The following RYR2 variants were observed in gnomAD, a reference collection of about 807,000 sequenced individuals.
The protein encoded by RYR2 is cardiac muscle ryanodine receptor-calcium release channel.
A neutral mutation model predicts 601.1 loss-of-function variants in RYR2; 227 were observed. The observed-to-expected ratio is 0.38, with a 90% CI of 0.34 to 0.42. RYR2 has a LOEUF of 0.42. Among genes scored for constraint, RYR2 ranks in the 10% least tolerant of loss-of-function variants. The pLI, the probability that RYR2 is intolerant of heterozygous loss-of-function variation, is 1.00. For missense variants in RYR2, 4,646 were observed against 6,156.5 expected (o/e 0.75, Z 8.21); for synonymous variants, 2,223 against 2,175.1 (o/e 1.02, Z -0.61).
chr1:237,677,264 A>G (rs1335679827), intron 60 of RYR2, among the ~76,000 whole-genome samples: 2 of 152,132 alleles, frequency 1.3e-5, no homozygotes, highest in Non-Finnish European at 2.9e-5. Context: ...GCTCTCCAAT[A>G]TGTTCTGCAT....
At chr1:237,137,185 T>C (rs1261691101) in intron 1 of RYR2, among the ~76,000 whole-genome samples, 1 of 152,190 alleles carries the variant, frequency 6.6e-6, no homozygotes, top group Non-Finnish European at 1.5e-5. Flanking sequence ...GTCCTCATTG[T>C]GACCATGAAT....
At chr1:237,801,262 G>T (rs1253680211) in intron 97 of RYR2, among the ~76,000 whole-genome samples, 1 of 151,212 alleles carries the variant, frequency 6.6e-6, no homozygotes, top group Non-Finnish European at 1.5e-5. Context: ...TGGGCACAAT[G>T]GTGCATGCAT....
intron 71 of RYR2, among the ~76,000 whole-genome samples, chr1:237,714,651 TAGAG>T (rs951286223): frequency 3.3e-5 from 5 of 151,864 alleles, no homozygotes; most frequent in African/African-American, 1.2e-4. Flanking sequence ...GAGACAGAGA[TAGAG>T]AGGAGGCAGA....
intron 67 of RYR2, among the ~76,000 whole-genome samples, chr1:237,706,225 G>A (rs776004126): frequency 7.9e-5 from 12 of 152,072 alleles, no homozygotes; most frequent in Non-Finnish European, 1.6e-4. Flanking sequence ...CTCCAGCCTG[G>A]CAACAGAGCA....
chr1:237,154,611 G>A (rs1675103323), intron 1 of RYR2, among the ~76,000 whole-genome samples: 2 of 152,024 alleles, frequency 1.3e-5, no homozygotes, highest in South Asian at 4.2e-4. Context: ...ATAGGGGTTT[G>A]AGACCAGTCT....
chr1:237,195,988 G>A (rs897143624), intron 1 of RYR2, among the ~76,000 whole-genome samples: 1 of 152,262 alleles, frequency 6.6e-6, no homozygotes, highest in South Asian at 2.1e-4. Context: ...TGTCTTGTCC[G>A]GCATGTTGTA....
chr1:237,346,207 A>C (rs1054839667), intron 3 of RYR2, among the ~76,000 whole-genome samples: 1 of 151,992 alleles, frequency 6.6e-6, no homozygotes, highest in African/African-American at 2.4e-5. Flanking sequence ...CTCTACAAAA[A>C]AATAAAATAA....
intron 51 of RYR2, among the ~76,000 whole-genome samples, chr1:237,651,855 G>C (rs1366289024): frequency 2.0e-5 from 3 of 152,128 alleles, no homozygotes; most frequent in Non-Finnish European, 2.9e-5. Context: ...AGCTAACACG[G>C]TGAAACCCCG....
Position 237,197,155 on chromosome 1 carries a change from C to T in RYR2, c.49-73342C>T, listed in dbSNP as rs528379365. On this transcript the variant is annotated intron_variant, in intron 1 of 104. Transcript: ENST00000366574. ...CTGAATTGTCATTCAGATAATTTAC[C>T]GAAAGATTCCATAGCCAATCATATT... Among the ~76,000 whole-genome samples the T allele has an allele frequency of 2.6e-5, 4 of 152,096 alleles. No homozygotes were observed. The East Asian group carries it at 5.8e-4, about 22-fold the overall frequency.
chr1:237,189,845 T>C (rs1679767339), intron 1 of RYR2, among the ~76,000 whole-genome samples: 1 of 151,884 alleles, frequency 6.6e-6, no homozygotes, highest in Non-Finnish European at 1.5e-5. Context: ...TTTTAATTTT[T>C]GAGAAAATTC....
intron 24 of RYR2, among the ~76,000 whole-genome samples, chr1:237,527,821 T>C (rs542885293): frequency 5.3e-5 from 8 of 152,316 alleles, no homozygotes; most frequent in African/African-American, 1.7e-4. Flanking sequence ...TGTGCAGTAG[T>C]ACTCCTGAAA....
At chr1:237,436,334 G>A (rs979192161) in intron 12 of RYR2, among the ~76,000 whole-genome samples, 2 of 151,822 alleles carry the variant, frequency 1.3e-5, no homozygotes, top group Non-Finnish European at 1.5e-5. Flanking sequence ...TTGTGGCTAC[G>A]GCTGTGGAAG....
intron 2 of RYR2, among the ~76,000 whole-genome samples, chr1:237,295,882 A>T (rs1357563626): frequency 1.4e-5 from 2 of 140,756 alleles, no homozygotes; most frequent in East Asian, 2.0e-4. Flanking sequence ...CAGAGCAGAG[A>T]TCGAGACAGA....
chr1:237,387,816 A>G (rs754720900), intron 9 of RYR2, among the ~76,000 whole-genome samples: 5 of 152,128 alleles, frequency 3.3e-5, no homozygotes, highest in Non-Finnish European at 5.9e-5. Context: ...ATAGGTTCAC[A>G]TTTGATTCTA....
chr1:237,651,277 A>G (rs1682702471), intron 50 of RYR2, 134 bp from the exon 51 acceptor site: 1 of 662,054 alleles, frequency 1.5e-6, no homozygotes, highest in African/African-American at 1.8e-5. Context: ...TCTTTGGACA[A>G]AGAACATCTA....
At chr1:237,409,924 T>C (rs1704276431) in intron 10 of RYR2, among the ~76,000 whole-genome samples, 1 of 152,182 alleles carries the variant, frequency 6.6e-6, no homozygotes, top group Admixed American at 6.5e-5. Context: ...AATTGTCTTT[T>C]ATTATTATTT....
In RYR2 at chr1:237,326,246, A is replaced by C. The variant is rs1260203368; in HGVS notation, c.169-4632A>C. Among the ~76,000 whole-genome samples the C allele has an allele frequency of 2.0e-5, 3 of 151,934 alleles. No homozygotes were observed. In the East Asian group the frequency reaches 5.8e-4, roughly 29 times the overall value. On this transcript the variant is annotated intron_variant, in intron 2 of 104. Coordinates refer to ENST00000366574, the MANE Select transcript of RYR2 (RefSeq NM_001035.3). The stretch of plus-strand genomic sequence containing the variant: ...TAAGACTATACAGTGTTTGCCAGGC[A>C]GGGGAGGATGGTGACCAGTTTGTAT...
chr1:237,717,417 T>C lies in RYR2; in HGVS notation c.10494+49T>C, dbSNP rs373658112. 6.3e-6 allele frequency: 9 copies of C among 1,435,468 alleles called. No homozygotes were observed. The African/African-American group carries it at 1.0e-4, about 16-fold the overall frequency. 88.9% of individuals were successfully genotyped at this position (1,435,468 alleles called of 1,614,324 possible). A position where few individuals can be genotyped will look rare whatever the true frequency, so the allele number is the denominator to read the frequency against. The stretch of plus-strand genomic sequence containing the variant: ...GGTAATGATCATCTGACCTCCAGAC[T>C]CTCAGTGTTTGATTCCTTTGTCTCA... On this transcript the variant is annotated intron_variant, in intron 72 of 104. Coordinates refer to ENST00000366574, the MANE Select transcript of RYR2 (RefSeq NM_001035.3).
chr1:237,047,775 GC>G (rs1267477548), intron 1 of RYR2, among the ~76,000 whole-genome samples: 2 of 152,212 alleles, frequency 1.3e-5, no homozygotes, highest in Non-Finnish European at 2.9e-5. Context: ...TTTTCCAGGT[GC>G]TTTTCATTCC....
Sources: allele counts gnomAD v4.1 joint callset (sites outside exome capture counted in the v4.1 genomes callset), GRCh38; gene constraint gnomAD v4.1.1; transcripts MANE v1.5; gene names NCBI Gene and HGNC (gene_info 2026-07-23, HGNC 2026-07-21).